The following KIAA1210 variants were observed in gnomAD, a reference collection of about 807,000 sequenced individuals.
KIAA1210 encodes the protein KIAA1210.
Under a neutral mutation model 78.9 loss-of-function variants are expected in KIAA1210, and 48 were observed. The observed-to-expected ratio is 0.61, with a 90% CI of 0.48 to 0.77. The LOEUF is 0.77. Ranked by LOEUF, KIAA1210 falls within the 30% of genes least tolerant of loss-of-function variation. The pLI is 0.00. For synonymous variants in KIAA1210, 406 were observed against 404.5 expected (o/e 1.00, Z -0.04); for missense variants, 1,108 against 1,100.0 (o/e 1.01, Z -0.10).
chrX:119,081,201 A>T lies in KIAA1210; in HGVS notation c.*128T>A. On this transcript the variant is annotated 3_prime_UTR_variant, in exon 12 of 12. Coordinates refer to ENST00000691062, the MANE Select transcript of KIAA1210 (RefSeq NM_001394962.1). ...AGAGTGGCGTGAACCCGGGAGGCGG[A>T]GCTTGCAGTGAGCGGAGATCGCGCC... 1 of 480,103 alleles carries T rather than the reference A, an allele frequency of 2.1e-6. No homozygotes were observed. Among genetic ancestry groups the T allele is most frequent in the Non-Finnish European group, 3.0e-6 (1 of 328,909 alleles). The allele number at this position is 480,103 out of a possible 1,213,427, so 39.6% of individuals were successfully genotyped here.
rs1434194283 is a variant in KIAA1210, at chrX:119,088,420, T to A, written c.2282A>T (p.Lys761Ile). 2.5e-6 allele frequency: 3 copies of A among 1,211,203 alleles called. No homozygotes were observed. The Admixed American group carries it at 6.5e-5, about 26-fold the overall frequency. The part of the protein sequence containing the change: ...VPTSSVGTSI[K>I]QSDSVEPIPP... Reference sequence around the variant, plus strand: ...GATTGGCTCCACGGAATCGCTCTGTTTTATAGAAGTGCCCACTGAACTGGT... The same window carrying A: ...GATTGGCTCCACGGAATCGCTCTGTATTATAGAAGTGCCCACTGAACTGGT... Residue 761 changes from lysine to isoleucine, a missense_variant, in exon 9 of 12, where the codon AAA becomes ATA. Physicochemically the swap from Lys to Ile is moderately radical, Grantham distance 102. This residue lies in a region of KIAA1210 where 672 missense variants were observed against 607.1 expected (regional missense o/e 1.11). Transcript: ENST00000691062.
Position 119,096,512 on chromosome X carries a change from C to T in KIAA1210, c.828G>A (p.Lys276=), listed in dbSNP as rs766813843. The T allele has an allele frequency of 1.7e-6, 2 of 1,209,034 alleles. No homozygotes were observed. The highest frequency in any genetic ancestry group is 3.5e-5 in the South Asian group (2 of 56,418). Residue 276 remains lysine (K), a synonymous_variant, in exon 7 of 12, where the codon AAG becomes AAA. Coordinates refer to ENST00000691062, the MANE Select transcript of KIAA1210 (RefSeq NM_001394962.1). ...HKMTLNPRKQ[K]KNLQVIVEPK... The stretch of plus-strand genomic sequence containing the variant: ...GACTTACAATCACTTGAAGGTTCTT[C>T]TTTTGTTTGCGGGGATTTAAAGTCA...
At chrX:119,096,305 C>T (rs977181502) in intron 7 of KIAA1210, among the ~76,000 whole-genome samples, 189 bp downstream of exon 7, 8 of 112,408 alleles carry the variant, frequency 7.1e-5, no homozygotes, top group Admixed American at 5.6e-4. Context: ...TAGGAAACCA[C>T]ACCCAGCAGA....
At chrX:119,096,794 T>G in intron 6 of KIAA1210, 103 bp from the exon 7 acceptor site, 1 of 580,552 alleles carries the variant, frequency 1.7e-6, no homozygotes, top group South Asian at 3.8e-5. Flanking sequence ...AAGAAATCCT[T>G]CATGAACTAT....
intron 6 of KIAA1210, among the ~76,000 whole-genome samples, chrX:119,101,598 G>T (rs962579811): frequency 2.7e-5 from 3 of 111,282 alleles, no homozygotes; most frequent in African/African-American, 9.8e-5. Flanking sequence ...TTAATTCTCT[G>T]GGTGTGGCAA....
At chrX:119,084,375 A>G (rs1927067051) in intron 10 of KIAA1210, among the ~76,000 whole-genome samples, 1 of 111,975 alleles carries the variant, frequency 8.9e-6, no homozygotes, top group African/African-American at 3.2e-5. Flanking sequence ...TCCAAACATC[A>G]AACACAGAAA....
At chrX:119,108,803 C>G (rs1927976356) in intron 4 of KIAA1210, among the ~76,000 whole-genome samples, 1 of 105,991 alleles carries the variant, frequency 9.4e-6, no homozygotes, top group African/African-American at 3.5e-5. Context: ...ATGATCATGC[C>G]ACTGCACTCC....
Position 119,093,837 on chromosome X carries a change from G to A in KIAA1210, c.847-62C>T, listed in dbSNP as rs559294837. ...AGTGCTTTCCAACCACGCCTGCATGGTTGCCAAAGAAAAAGCATCAGGAAA... is the reference window on the plus strand; with the variant it reads ...AGTGCTTTCCAACCACGCCTGCATGATTGCCAAAGAAAAAGCATCAGGAAA... On this transcript the variant is annotated intron_variant, in intron 7 of 11. Coordinates refer to ENST00000691062, the MANE Select transcript of KIAA1210 (RefSeq NM_001394962.1). 197 of 1,028,077 alleles carry A rather than the reference G, an allele frequency of 1.9e-4. 1 individual carries two copies. The South Asian group carries it at 2.6e-3, about 14-fold the overall frequency. 84.7% of individuals were successfully genotyped at this position (1,028,077 alleles called of 1,213,427 possible).
At chrX:119,102,505 A>G (rs1927763737) in intron 6 of KIAA1210, among the ~76,000 whole-genome samples, 1 of 109,908 alleles carries the variant, frequency 9.1e-6, no homozygotes, top group African/African-American at 3.3e-5. Context: ...CAGCCTCCCG[A>G]GTATCTGGGA....
upstream of KIAA1210, among the ~76,000 whole-genome samples, chrX:119,129,566 G>A (rs1928738580): frequency 9.0e-6 from 1 of 110,774 alleles, no homozygotes; most frequent in Admixed American, 9.6e-5. Flanking sequence ...ATGCTATACG[G>A]GGCAGAGGAA....
intron 3 of KIAA1210, among the ~76,000 whole-genome samples, chrX:119,109,587 T>C (rs1326841050): frequency 1.8e-5 from 2 of 112,065 alleles, no homozygotes; most frequent in African/African-American, 6.5e-5. Flanking sequence ...TACTGAGATA[T>C]AGTTTACATG....
chrX:119,102,636 ATAT>A (rs1309634643), intron 6 of KIAA1210, among the ~76,000 whole-genome samples: 2 of 111,564 alleles, frequency 1.8e-5, no homozygotes, highest in African/African-American at 6.5e-5. Context: ...AAAGCATGAG[ATAT>A]TATAAAAAGA....
At chrX:119,092,851 C>CT (rs773065391) in intron 8 of KIAA1210, among the ~76,000 whole-genome samples, 37 of 108,826 alleles carry the variant, frequency 3.4e-4, no homozygotes, top group Non-Finnish European at 5.4e-4. Context: ...CTTCCTTTTT[C>CT]TTTTTTTTTC....
intron 8 of KIAA1210, among the ~76,000 whole-genome samples, chrX:119,090,957 C>G (rs894833773): frequency 8.9e-6 from 1 of 111,736 alleles, no homozygotes; most frequent in Non-Finnish European, 1.9e-5. Context: ...AGCCATCACA[C>G]AAAGATACTC....
chrX:119,124,518 C>T (rs764919623), intron 1 of KIAA1210, among the ~76,000 whole-genome samples: 7 of 111,967 alleles, frequency 6.3e-5, no homozygotes, highest in African/African-American at 1.9e-4. Flanking sequence ...TTACTATTCA[C>T]GGGTGTGCCC....
intron 2 of KIAA1210, among the ~76,000 whole-genome samples, chrX:119,137,451 A>G (rs1023895888): frequency 1.8e-5 from 2 of 112,701 alleles, no homozygotes; most frequent in African/African-American, 3.2e-5. Flanking sequence ...GCTGTTCCAA[A>G]AAGTTGTCCT....
Position 119,088,487 on chromosome X carries a change from A to G in KIAA1210, c.2215T>C (p.Ser739Pro). Residue 739 changes from serine to proline, a missense_variant, in exon 9 of 12, where the codon TCT (serine) becomes CCT (proline). This residue lies in a region of KIAA1210 where 672 missense variants were observed against 607.1 expected (regional missense o/e 1.11). Transcript: ENST00000691062. ...FMQQLPSRCP[S>P]QPIMNPTVQQ... is the part of the protein sequence containing the mutation. ...ACAGTAGGATTCATAATGGGCTGAG[A>G]AGGGCATCTGGAAGGCAGCTGCTGC... 1 of 1,211,329 alleles carries G rather than the reference A, an allele frequency of 8.3e-7. No homozygotes were observed. The highest frequency in any genetic ancestry group is 1.1e-6 in the Non-Finnish European group (1 of 895,335).
chrX:119,085,172 G>A (rs762798817), intron 10 of KIAA1210, among the ~76,000 whole-genome samples: 2 of 112,274 alleles, frequency 1.8e-5, no homozygotes, highest in South Asian at 7.5e-4. Context: ...AAGAGCCACC[G>A]CACCTGGCCT....
At position 119,138,211 on chromosome X, in the gene KIAA1210, G is replaced by GTTTTTT. The variant is rs759946882; in HGVS notation, c.410+9256_410+9261dup. 2.3e-3 allele frequency among the ~76,000 whole-genome samples: 109 copies of GTTTTTT among 47,826 alleles called. 1 individual carries two copies. Among genetic ancestry groups the GTTTTTT allele is most frequent in the African/African-American group, 3.6e-3 (39 of 10,874 alleles). The allele number at this position is 47,826 out of a possible 115,157, so 41.5% of individuals were successfully genotyped here. A position where few individuals can be genotyped will look rare whatever the true frequency, so the allele number is the denominator to read the frequency against. On this transcript the variant is annotated intron_variant, in intron 2 of 13. Coordinates refer to the KIAA1210 transcript ENST00000402510. ...GGCAGAAGTTTGGTTTGGTTTGGTT[G>GTTTTTT]TTTTTTTTTTTTTTTTTTTTTTTTT...
Sources: allele counts gnomAD v4.1 joint callset (sites outside exome capture counted in the v4.1 genomes callset), GRCh38; gene constraint gnomAD v4.1.1; regional missense constraint gnomAD v4.1.1; transcripts MANE v1.5; gene names NCBI Gene and HGNC (gene_info 2026-07-23, HGNC 2026-07-21).